SGCD: variants seen among roughly 807,000 people sequenced by gnomAD.
SGCD encodes delta-sarcoglycan.
SGCD carries 18 observed loss-of-function variants against 36.6 expected under a neutral mutation model. The observed-to-expected ratio is 0.49, with a 90% CI of 0.34 to 0.73. SGCD has a LOEUF of 0.73. SGCD is among the 30% of genes least tolerant of loss of function. The pLI is 0.01. For synonymous variants in SGCD, 133 were observed against 130.6 expected, an observed-to-expected ratio of 1.02 and a Z score of -0.12; for missense variants, 387 against 346.7, an observed-to-expected ratio of 1.12 and a Z score of -0.92.
At chr5:155,875,244 G>T (rs768975778) in intron 1 of SGCD, among the ~76,000 whole-genome samples, 2 of 152,134 alleles carry the variant, frequency 1.3e-5, no homozygotes, top group African/African-American at 2.4e-5. Context: ...GGTTGCCTAG[G>T]TTGGAAGGAG....
At chr5:156,443,228 G>A (rs778751306) in intron 3 of SGCD, among the ~76,000 whole-genome samples, 13 of 152,052 alleles carry the variant, frequency 8.5e-5, no homozygotes, top group Non-Finnish European at 1.3e-4. Context: ...CAGATGATCT[G>A]CCTGCCTTGG....
At chr5:156,694,150 C>G (rs1056656179) in intron 7 of SGCD, among the ~76,000 whole-genome samples, 3 of 152,194 alleles carry the variant, frequency 2.0e-5, no homozygotes, top group Non-Finnish European at 2.9e-5. Flanking sequence ...GCTAAGGCTG[C>G]AATACATTGT....
the SGCD span, among the ~76,000 whole-genome samples, chr5:155,820,226 AAT>A: frequency 7.5e-3 from 1,149 of 152,284 alleles, 20 homozygotes; most frequent in African/African-American, 0.026. Flanking sequence ...TTCTTTAAGA[AAT>A]AGTTTTCCTA....
intron 4 of SGCD, among the ~76,000 whole-genome samples, chr5:156,567,997 C>G (rs1759565949): frequency 6.6e-6 from 1 of 152,054 alleles, no homozygotes. Flanking sequence ...AAGTTAGGTT[C>G]TACTTTTATT....
In SGCD at chr5:156,499,851, A is replaced by C. The variant is rs572244617; in HGVS notation, c.193-8750A>C. ...TACGAAGAAGATGGTTCAGTATTCT[A>C]AAGGTAGAAGTGACCATTTATAAAG... On this transcript the variant is annotated intron_variant, in intron 3 of 8. Transcript: ENST00000337851. Among the ~76,000 whole-genome samples the C allele has an allele frequency of 1.4e-4, 22 of 152,286 alleles. No individual in the cohort carries two copies. The South Asian group carries it at 4.6e-3, about 32-fold the overall frequency.
chr5:155,771,030 A>G, the SGCD span, among the ~76,000 whole-genome samples: 1 of 151,652 alleles, frequency 6.6e-6, no homozygotes. Context: ...CATCAAAAAA[A>G]CCACAAAAGT....
At chr5:156,104,208 A>C (rs1761588739) in intron 1 of SGCD, among the ~76,000 whole-genome samples, 2 of 152,194 alleles carry the variant, frequency 1.3e-5, no homozygotes, top group African/African-American at 2.4e-5. Context: ...TTACATGAGA[A>C]TATAGCTAAA....
chr5:156,280,837 A>T (rs1489525857), intron 3 of SGCD, among the ~76,000 whole-genome samples: 1 of 152,058 alleles, frequency 6.6e-6, no homozygotes, highest in South Asian at 2.1e-4. Context: ...TTTTCCTTTA[A>T]TGCAGAGAAT....
chr5:156,214,877 G>T (rs1764534841), intron 3 of SGCD, among the ~76,000 whole-genome samples: 1 of 151,966 alleles, frequency 6.6e-6, no homozygotes, highest in South Asian at 2.1e-4. Flanking sequence ...ATTCTGTTGG[G>T]ATAAATGGAT....
At chr5:156,112,169 C>T (rs1761803884) in intron 1 of SGCD, among the ~76,000 whole-genome samples, 2 of 152,246 alleles carry the variant, frequency 1.3e-5, no homozygotes, top group South Asian at 2.1e-4. Context: ...TTGGAACTTT[C>T]AGTAAGTGAG....
upstream of SGCD, chr5:156,326,711 C>T (rs1767826090): frequency 6.6e-6 from 1 of 152,486 alleles, no homozygotes; most frequent in African/African-American, 2.4e-5. Flanking sequence ...GCTGGGGACT[C>T]AAGTGTAAGG....
intron 1 of SGCD, among the ~76,000 whole-genome samples, chr5:155,990,949 T>G (rs2127564702): frequency 6.6e-6 from 1 of 152,314 alleles, no homozygotes; most frequent in African/African-American, 2.4e-5. Flanking sequence ...TCAGCCATTC[T>G]CAATCCTGAG....
chr5:156,113,884 A>G (rs1474205719), intron 1 of SGCD, among the ~76,000 whole-genome samples: 1 of 152,178 alleles, frequency 6.6e-6, no homozygotes, highest in Non-Finnish European at 1.5e-5. Context: ...TTAAAAGTGT[A>G]TTACTATGTG....
At chr5:155,869,865 G>T (rs866575226), upstream of SGCD, among the ~76,000 whole-genome samples, 2 of 152,042 alleles carry the variant, frequency 1.3e-5, no homozygotes, top group African/African-American at 4.8e-5. Flanking sequence ...TGGATGTGGC[G>T]GTGCATGCCT....
intron 3 of SGCD, among the ~76,000 whole-genome samples, chr5:156,428,994 A>C (rs1468795967): frequency 2.0e-5 from 3 of 151,910 alleles, no homozygotes; most frequent in Non-Finnish European, 4.4e-5. Context: ...TGCTGATGAG[A>C]ATAATGTATA....
chr5:156,612,750 CCCTCCAG>C (rs778543686), intron 6 of SGCD, among the ~76,000 whole-genome samples: 20 of 152,156 alleles, frequency 1.3e-4, no homozygotes, highest in Non-Finnish European at 1.8e-4. Flanking sequence ...ATGGCTACCA[CCCTCCAG>C]AGCAGCATGT....
chr5:156,390,750 T>G (rs1771519524), intron 3 of SGCD, among the ~76,000 whole-genome samples: 1 of 151,980 alleles, frequency 6.6e-6, no homozygotes, highest in Admixed American at 6.6e-5. Context: ...AAAAGTTTAA[T>G]GCATATGAAA....
intron 3 of SGCD, among the ~76,000 whole-genome samples, chr5:156,505,951 G>GA (rs1391108082): frequency 6.6e-6 from 1 of 152,100 alleles, no homozygotes; most frequent in African/African-American, 2.4e-5. Flanking sequence ...AAACAGTCAT[G>GA]AAAAAATGAG....
At chr5:155,750,642 G>A in the SGCD span, among the ~76,000 whole-genome samples, 117 of 152,276 alleles carry the variant, frequency 7.7e-4, no homozygotes, top group Middle Eastern at 0.027. Context: ...AACATGCCAT[G>A]CTTTATATCA....
Sources: gnomAD v4.1 joint callset for allele counts (sites outside exome capture counted in the v4.1 genomes callset) on GRCh38, gnomAD v4.1.1 for gene constraint, MANE v1.5 for transcripts, NCBI Gene and HGNC (gene_info 2026-07-23, HGNC 2026-07-21) for gene names.